TH: variants seen among roughly 807,000 people sequenced by gnomAD.
TH encodes the protein tyrosine 3-monooxygenase.
Under a neutral mutation model 57.4 loss-of-function variants are expected in TH, and 49 were observed. The ratio of observed to expected loss-of-function variants is 0.85; its 90% CI spans 0.68 to 1.08. The LOEUF is 1.08. Ranked by LOEUF, TH falls within the 50% of genes least tolerant of loss-of-function variation. The pLI is 0.00. For synonymous variants in TH, 330 were observed against 304.5 expected, an observed-to-expected ratio of 1.08 and a Z score of -0.87; for missense variants, 720 against 696.7, an observed-to-expected ratio of 1.03 and a Z score of -0.38.
intron 7 of TH, 22 bp downstream of exon 7, chr11:2,166,865 C>T (rs1313966611): frequency 1.9e-6 from 3 of 1,599,214 alleles, no homozygotes; most frequent in South Asian, 2.3e-5. Flanking sequence ...CCCGGCTCTG[C>T]GCCCCTCCCG....
At chr11:2,167,402 C>A in intron 6 of TH, 33 bp downstream of exon 6, 3 of 1,552,454 alleles carry the variant, frequency 1.9e-6, no homozygotes, top group Middle Eastern at 3.3e-4. Context: ...CCCCCGGGCT[C>A]CTCCCCAGCC....
chr11:2,168,733 T>TGGGGGGGGGGGG, intron 2 of TH, 68 bp from the exon 3 acceptor site: 2 of 85,916 alleles, frequency 2.3e-5, no homozygotes, highest in Non-Finnish European at 2.2e-5. Flanking sequence ...GAGGGTGGGG[T>TGGGGGGGGGGGG]GGGCGGGGAG....
chr11:2,168,894 G>C (rs577305394), intron 2 of TH, among the ~76,000 whole-genome samples: 4 of 152,342 alleles, frequency 2.6e-5, no homozygotes, highest in Non-Finnish European at 5.9e-5. Context: ...GCCTAACCAG[G>C]AGTTGTCACC....
At chr11:2,167,723 A>G (rs1172638581) in intron 5 of TH, 143 bp downstream of exon 5, 1 of 1,202,558 alleles carries the variant, frequency 8.3e-7, no homozygotes, top group African/African-American at 1.5e-5. Flanking sequence ...GGGACATGGA[A>G]AGCCCTGGAG....
intron 10 of TH, 94 bp from the exon 11 acceptor site, chr11:2,165,857 G>A: frequency 6.6e-7 from 1 of 1,521,890 alleles, no homozygotes; most frequent in Non-Finnish European, 8.9e-7. Flanking sequence ...CCCCAGGGAG[G>A]CCAGGCCAGG....
rs572745570 is a variant in TH, at chr11:2,169,286, G to A, written c.312+364C>T. Among the ~76,000 whole-genome samples, 15 of 152,212 alleles carry A rather than the reference G, an allele frequency of 9.9e-5. 2 individuals carry two copies. The South Asian group carries it at 3.1e-3, about 32-fold the overall frequency. On this transcript the variant is annotated intron_variant, in intron 2 of 12. Coordinates refer to ENST00000352909, the MANE Select transcript of TH (RefSeq NM_000360.4). ...ACTAATGCAATCAGTGGTCACCTGA[G>A]CCACTGTGCTGGGTGGGTGGGAGAG...
At chr11:2,165,647 G>A (rs1216555705) in intron 11 of TH, 21 bp downstream of exon 11, 23 of 1,610,368 alleles carry the variant, frequency 1.4e-5, no homozygotes, top group Non-Finnish European at 1.9e-5. Context: ...GCTGGGGGCT[G>A]CAGCAAGGAG....
Position 2,168,674 on chromosome 11 carries a change from G to A in TH, c.313-9C>T, listed in dbSNP as rs538345855. On this transcript the variant is annotated splice_polypyrimidine_tract_variant and intron_variant, in intron 2 of 12. Coordinates refer to ENST00000352909, the MANE Select transcript of TH (RefSeq NM_000360.4). ...ATTTTGGCTTCAAACGTCTTAGGGA[G>A]CAAAAGCAGGAAGAGAGAGAGAAGG... The A allele has an allele frequency of 8.8e-4, 1,186 of 1,352,854 alleles. 13 individuals carry two copies. In the South Asian group the frequency reaches 0.012, roughly 14 times the overall value. The allele number at this position is 1,352,854 out of a possible 1,614,324, so 83.8% of individuals were successfully genotyped here. A position where few individuals can be genotyped will look rare whatever the true frequency, so the allele number is the denominator to read the frequency against.
Position 2,166,873 on chromosome 11 carries a change from C to G in TH, c.841+14G>C. 1 of 1,603,122 alleles carries G rather than the reference C, an allele frequency of 6.2e-7. No individual in the cohort carries two copies. ...CCGGCCCCCCGGCTCTGCGCCCCTCCCGTCTGGGCACACCCTTCAGGAAGC... is the reference window on the plus strand; with the variant it reads ...CCGGCCCCCCGGCTCTGCGCCCCTCGCGTCTGGGCACACCCTTCAGGAAGC... On this transcript the variant is annotated intron_variant, in intron 7 of 12. Transcript: ENST00000352909.
chr11:2,168,053 CA>C (rs552036086), intron 4 of TH, 37 bp downstream of exon 4: 113 of 1,611,584 alleles, frequency 7.0e-5, no homozygotes, highest in Non-Finnish European at 7.5e-5. Flanking sequence ...GGGATGTGAT[CA>C]GGGGCAGGAG....
chr11:2,166,018 A>G lies in TH; in HGVS notation c.1088T>C (p.Ile363Thr). The G allele has an allele frequency of 1.9e-6, 3 of 1,561,524 alleles. No individual in the cohort carries two copies. In the South Asian group the frequency reaches 3.5e-5, roughly 18 times the overall value. ...LASLGASDEE[I>T]EKLSTLYWFT... ...TCAACCCACCGTGGACAGCTTCTCA[A>G]TTTCCTCATCCGAGGCCCCCAGGGA... Residue 363 changes from isoleucine to threonine, a missense_variant, in exon 10 of 13, where the codon ATT becomes ACT. Transcript: ENST00000352909.
rs762624649 is a variant in TH, at chr11:2,169,763, G to A, written c.199C>T (p.Pro67Ser). ...TCCTCAAAGGCCACAGCCTCCAGGG[G>A]GTCCCCGGGCTCCGAGGGGACTGCA... ...AAAVPSEPGD[P>S]LEAVAFEEKE... Residue 67 changes from proline (P) to serine (S), a missense_variant, in exon 2 of 13, where the codon CCC becomes TCC. By Grantham distance (74) the Pro-to-Ser change is moderately conservative. Transcript: ENST00000352909. 7 of 1,612,274 alleles carry A rather than the reference G, an allele frequency of 4.3e-6. No homozygotes were observed. In the South Asian group the frequency reaches 5.5e-5, roughly 13 times the overall value.
chr11:2,164,154 A>G lies in TH; in HGVS notation c.*79T>C. 7.8e-7 allele frequency: 1 copy of G among 1,276,432 alleles called. No homozygotes were observed. Among genetic ancestry groups the G allele is most frequent in the Non-Finnish European group, 1.0e-6 (1 of 996,434 alleles). The allele number at this position is 1,276,432 out of a possible 1,614,324, so 79.1% of individuals were successfully genotyped here. ...AGGGCATGGGGGGCACCCGGGACCC[A>G]GCCCCTCACCAGGGCCTGAGCTCCG... On this transcript the variant is annotated 3_prime_UTR_variant, in exon 13 of 13. Coordinates refer to ENST00000352909, the MANE Select transcript of TH (RefSeq NM_000360.4).
chr11:2,165,745 C>A lies in TH; in HGVS notation c.1123G>T (p.Glu375Ter), dbSNP rs1319079761. The change falls in exon 11 of 13, where the codon GAG (glutamate) becomes TAG (stop). Residue 375 changes from glutamate (E) to a stop codon, truncating the protein, a stop_gained. Transcript: ENST00000352909. LOFTEE classifies it high-confidence loss of function. ...KLSTLYWFTV[E>*]FGLCKQNGEV... ...CCGTTCTGCTTACACAGCCCGAACTCCACCGTGAACCAGTACAGCTGCGGG... is the reference window on the plus strand; with the variant it reads ...CCGTTCTGCTTACACAGCCCGAACTACACCGTGAACCAGTACAGCTGCGGG... 6.2e-7 allele frequency: 1 copy of A among 1,612,758 alleles called. No individual in the cohort carries two copies. Among genetic ancestry groups the A allele is most frequent in the East Asian group, 2.2e-5 (1 of 44,854 alleles).
chr11:2,170,113 G>A lies in TH; in HGVS notation c.91-242C>T, dbSNP rs768922462. ...GCAGTGGTGGTGGGGGAGGAGTGGGGGCTGGGAAGGTGCTCGCCTGCTCCC... is the reference window on the plus strand; with the variant it reads ...GCAGTGGTGGTGGGGGAGGAGTGGGAGCTGGGAAGGTGCTCGCCTGCTCCC... On this transcript the variant is annotated intron_variant, in intron 1 of 12. Transcript: ENST00000352909. This position sits in a 1 kb window ranked among gnomAD's most constrained non-coding sequence, Gnocchi z 6.0. Among the ~76,000 whole-genome samples, 4 of 152,188 alleles carry A rather than the reference G, an allele frequency of 2.6e-5. No homozygotes were observed. Among genetic ancestry groups the A allele is most frequent in the Non-Finnish European group, 5.9e-5 (4 of 68,020 alleles).
At chr11:2,167,397 G>C (rs776032417) in intron 6 of TH, 38 bp downstream of exon 6, 3 of 1,551,034 alleles carry the variant, frequency 1.9e-6, no homozygotes, top group East Asian at 2.4e-5. Context: ...GGCATCCCCC[G>C]GGCTCCTCCC....
At position 2,165,636 on chromosome 11, in the gene TH, T is replaced by C. The variant is rs746662044; in HGVS notation, c.1200+32A>G. On this transcript the variant is annotated intron_variant, in intron 11 of 12. Transcript: ENST00000352909. The stretch of plus-strand genomic sequence containing the variant: ...GCACCGTCCCCCAGCCCTGCCCCTC[T>C]GCTGGGGGCTGCAGCAAGGAGAGAC... The C allele has an allele frequency of 5.0e-6, 8 of 1,605,312 alleles. No homozygotes were observed. The Admixed American group carries it at 1.3e-4, about 27-fold the overall frequency.
rs757377732 is a variant in TH, at chr11:2,166,961, G to A, written c.767C>T (p.Ala256Val). 1.3e-6 allele frequency: 2 copies of A among 1,595,596 alleles called. No homozygotes were observed. Among genetic ancestry groups the A allele is most frequent in the East Asian group, 4.5e-5 (2 of 44,078 alleles). The change falls in exon 7 of 13, where the codon GCT becomes GTT. Residue 256 changes from alanine (A) to valine (V), a missense_variant. Coordinates refer to ENST00000352909, the MANE Select transcript of TH (RefSeq NM_000360.4). ...HACGEHLEAF[A>V]LLERFSGYRE... is the part of the protein sequence containing the mutation. ...GTAGCCGCTGAAGCGCTCCAGCAAA[G>A]CAAAGGCCTCCAGGTGCTCCCCGCA...
In TH at chr11:2,169,636, G is replaced by A. The variant is rs753814746; in HGVS notation, c.312+14C>T. The A allele has an allele frequency of 6.2e-7, 1 of 1,613,258 alleles. No homozygotes were observed. The highest frequency in any genetic ancestry group is 8.5e-7 in the Non-Finnish European group (1 of 1,179,684). ...GGTGAACTTGCCCCAGGGACACGAAGGCCACCAGCTCACCTCAAACACCTT... is the reference window on the plus strand; with the variant it reads ...GGTGAACTTGCCCCAGGGACACGAAAGCCACCAGCTCACCTCAAACACCTT... On this transcript the variant is annotated intron_variant, in intron 2 of 12. Coordinates refer to ENST00000352909, the MANE Select transcript of TH (RefSeq NM_000360.4).
Sources: gnomAD v4.1 joint callset for allele counts (sites outside exome capture counted in the v4.1 genomes callset) on GRCh38, gnomAD v4.1.1 for gene constraint, Gnocchi (gnomAD v3.1) non-coding constraint, MANE v1.5 for transcripts, NCBI Gene and HGNC (gene_info 2026-07-23, HGNC 2026-07-21) for gene names.